Variants in INPP5A observed in about 807,000 individuals in gnomAD.
The protein encoded by INPP5A is 43 kDa inositol polyphosphate 5-phophatase.
INPP5A carries 14 observed loss-of-function variants against 65.2 expected under a neutral mutation model. The observed-to-expected ratio is 0.21, with a 90% CI of 0.14 to 0.34. INPP5A has a LOEUF of 0.34. Among genes scored for constraint, INPP5A ranks in the 10% least tolerant of loss-of-function variants. The pLI is 1.00. For missense variants in INPP5A, 431 were observed against 545.6 expected (o/e 0.79, Z 2.09); for synonymous variants, 207 against 208.3 (o/e 0.99, Z 0.05).
chr10:132,593,367 G>A (rs571228319), intron 1 of INPP5A, among the ~76,000 whole-genome samples: 1 of 152,174 alleles, frequency 6.6e-6, no homozygotes, highest in Non-Finnish European at 1.5e-5. Flanking sequence ...ACAAATGGTT[G>A]TTGACTTTAA....
intron 4 of INPP5A, among the ~76,000 whole-genome samples, chr10:132,672,467 G>A (rs544036010): frequency 6.6e-6 from 1 of 152,252 alleles, no homozygotes; most frequent in East Asian, 1.9e-4. Context: ...TGGTGGGTGG[G>A]TCTCATGAGA....
intron 2 of INPP5A, among the ~76,000 whole-genome samples, chr10:132,625,246 G>A (rs953415208): frequency 1.0e-4 from 15 of 149,164 alleles, no homozygotes; most frequent in Non-Finnish European, 2.2e-4. Context: ...TCCCCCTCAC[G>A]TGGCTCAACC....
At position 132,674,885 on chromosome 10, in the gene INPP5A, G is replaced by A. The variant is rs1234935678; in HGVS notation, c.307-15507G>A. Among the ~76,000 whole-genome samples the A allele has an allele frequency of 1.3e-5, 2 of 152,182 alleles. No individual in the cohort carries two copies. The highest frequency in any genetic ancestry group is 2.9e-5 in the Non-Finnish European group (2 of 68,036). ...CAGGGCCTCACTCCAAAATCCTAGA[G>A]GCCTCCGCTGTGATTCACCTATGGG... On this transcript the variant is annotated intron_variant, in intron 4 of 15. Transcript: ENST00000368594. This position sits in a 1 kb window ranked among gnomAD's most constrained non-coding sequence, Gnocchi z 4.4.
chr10:132,718,030 G>T (rs1845775493), intron 8 of INPP5A, among the ~76,000 whole-genome samples: 1 of 147,110 alleles, frequency 6.8e-6, no homozygotes, highest in Non-Finnish European at 1.5e-5. Context: ...GTTCTGTCTG[G>T]GCGCCTTAGA....
At position 132,576,034 on chromosome 10, in the gene INPP5A, C is replaced by T. The variant is rs530478879; in HGVS notation, c.76-31881C>T. On this transcript the variant is annotated intron_variant, in intron 1 of 15. Coordinates refer to ENST00000368594, the MANE Select transcript of INPP5A (RefSeq NM_005539.5). ...TCCACCACAGATGCCACCTGACCTGCAGCTACCCACTGGGCTGCTGTAGCT... is the reference window on the plus strand; with the variant it reads ...TCCACCACAGATGCCACCTGACCTGTAGCTACCCACTGGGCTGCTGTAGCT... 9.8e-4 allele frequency among the ~76,000 whole-genome samples: 150 copies of T among 152,312 alleles called. 1 individual carries two copies. The highest frequency in any genetic ancestry group is 3.4e-3 in the African/African-American group (142 of 41,564).
At chr10:132,778,017 C>A in intron 13 of INPP5A, 2 of 1,143,292 alleles carry the variant, frequency 1.7e-6, no homozygotes, top group South Asian at 1.7e-5. Context: ...CCATGGGCAG[C>A]CAGCGTCATC....
At chr10:132,699,509 G>A (rs907223573) in intron 6 of INPP5A, among the ~76,000 whole-genome samples, 6 of 152,162 alleles carry the variant, frequency 3.9e-5, no homozygotes, top group African/African-American at 1.2e-4. Context: ...GTCCAGGGCC[G>A]TGGCCGGACC....
intron 1 of INPP5A, among the ~76,000 whole-genome samples, chr10:132,571,019 G>A (rs2071334982): frequency 6.6e-6 from 1 of 151,994 alleles, no homozygotes; most frequent in Admixed American, 6.6e-5. Flanking sequence ...CTACTCCCGT[G>A]GGTTCGGGGC....
At chr10:132,552,400 A>G (rs2071066306) in intron 1 of INPP5A, among the ~76,000 whole-genome samples, 1 of 138,006 alleles carries the variant, frequency 7.2e-6, no homozygotes, top group Non-Finnish European at 1.5e-5. Flanking sequence ...ATAGGGAGGG[A>G]GGATTGGTGA....
chr10:132,678,640 C>T lies in INPP5A; in HGVS notation c.307-11752C>T, dbSNP rs531883059. ...CAGGAGCCGTGGAATTCCTGCCTGC[C>T]GTGACCTGGGCATTGTGGTGGAGGA... On this transcript the variant is annotated intron_variant, in intron 4 of 15. Coordinates refer to ENST00000368594, the MANE Select transcript of INPP5A (RefSeq NM_005539.5). The surrounding 1 kb of genome is among the most constrained non-coding windows in gnomAD (Gnocchi z 4.1). 2.0e-4 allele frequency among the ~76,000 whole-genome samples: 31 copies of T among 152,278 alleles called. No individual in the cohort carries two copies. Among genetic ancestry groups the T allele is most frequent in the African/African-American group, 6.5e-4 (27 of 41,554 alleles).
At chr10:132,630,920 G>A (rs1457862184) in intron 2 of INPP5A, among the ~76,000 whole-genome samples, 1 of 152,144 alleles carries the variant, frequency 6.6e-6, no homozygotes, top group African/African-American at 2.4e-5. Flanking sequence ...TGGCGTCTCC[G>A]GCAGCAGCTT....
At chr10:132,664,890 G>A (rs780376299) in intron 4 of INPP5A, among the ~76,000 whole-genome samples, 6 of 152,226 alleles carry the variant, frequency 3.9e-5, no homozygotes, top group Non-Finnish European at 5.9e-5. Flanking sequence ...ACCTGTGCAC[G>A]TAGAGATGCA....
intron 9 of INPP5A, among the ~76,000 whole-genome samples, chr10:132,732,584 C>T (rs910277153): frequency 6.6e-6 from 1 of 152,212 alleles, no homozygotes; most frequent in Non-Finnish European, 1.5e-5. Context: ...GTGCTTGGTG[C>T]AGGGACTGGC....
rs1400599866 is a variant in INPP5A at position 132,545,853 on chromosome 10, G to C, written c.75+7682G>C. Among the ~76,000 whole-genome samples, 1 of 152,220 alleles carries C rather than the reference G, an allele frequency of 6.6e-6. No individual in the cohort carries two copies. The highest frequency in any genetic ancestry group is 2.4e-5 in the African/African-American group (1 of 41,442). ...GTGGAGCTCTGAGCGCTGGCTCCAG[G>C]CCGGCTTTCAGGAAGGCCGACTGCC... On this transcript the variant is annotated intron_variant, in intron 1 of 15. Coordinates refer to ENST00000368594, the MANE Select transcript of INPP5A (RefSeq NM_005539.5). This position sits in a 1 kb window ranked among gnomAD's most constrained non-coding sequence, Gnocchi z 4.6.
chr10:132,739,843 G>A (rs978263721), intron 9 of INPP5A, among the ~76,000 whole-genome samples: 1 of 152,170 alleles, frequency 6.6e-6, no homozygotes, highest in Non-Finnish European at 1.5e-5. Flanking sequence ...CGTCTTCTAG[G>A]GTCTGAGGAC....
intron 9 of INPP5A, among the ~76,000 whole-genome samples, chr10:132,730,046 G>A (rs1240900670): frequency 6.6e-6 from 1 of 152,222 alleles, no homozygotes; most frequent in Non-Finnish European, 1.5e-5. Context: ...AGTCGTCACT[G>A]TTTTTTATCA....
At chr10:132,571,875 G>A (rs1387057082) in intron 1 of INPP5A, among the ~76,000 whole-genome samples, 2 of 152,310 alleles carry the variant, frequency 1.3e-5, no homozygotes, top group East Asian at 1.9e-4. Context: ...ACTGAGCTGG[G>A]GCTGGCTCTG....
chr10:132,570,340 TG>T (rs1387769228), intron 1 of INPP5A, among the ~76,000 whole-genome samples: 3 of 152,270 alleles, frequency 2.0e-5, no homozygotes, highest in Non-Finnish European at 2.9e-5. Context: ...GTAGCCCTTC[TG>T]TGGATGCCCC....
At chr10:132,554,208 C>T (rs2071093757) in intron 1 of INPP5A, among the ~76,000 whole-genome samples, 1 of 152,184 alleles carries the variant, frequency 6.6e-6, no homozygotes, top group Non-Finnish European at 1.5e-5. Flanking sequence ...CTTTCAGGGC[C>T]TCACTAGCCT....
Sources: allele counts gnomAD v4.1 joint callset (sites outside exome capture counted in the v4.1 genomes callset), GRCh38; gene constraint gnomAD v4.1.1; non-coding constraint Gnocchi (gnomAD v3.1); transcripts MANE v1.5; gene names NCBI Gene and HGNC (gene_info 2026-07-23, HGNC 2026-07-21).